PTPDC1: variants seen among roughly 807,000 people sequenced by gnomAD.
The protein encoded by PTPDC1 is protein tyrosine phosphatase domain-containing protein 1.
A neutral mutation model predicts 75.3 loss-of-function variants in PTPDC1; 53 were observed. The observed-to-expected ratio is 0.70, with a 90% CI of 0.56 to 0.88. PTPDC1 has a LOEUF of 0.88. Among genes scored for constraint, PTPDC1 ranks in the 40% least tolerant of loss-of-function variants. The pLI is 0.00. For missense variants in PTPDC1, 925 were observed against 998.6 expected, an observed-to-expected ratio of 0.93 and a Z score of 0.99; for synonymous variants, 349 against 366.2, an observed-to-expected ratio of 0.95 and a Z score of 0.54.
chr9:94,044,755 T>G (rs966011542), intron 1 of PTPDC1, among the ~76,000 whole-genome samples: 3 of 151,092 alleles, frequency 2.0e-5, no homozygotes, highest in Non-Finnish European at 4.4e-5. Context: ...TACACTTAGC[T>G]AGGACTTTTA....
chr9:94,079,275 C>T (rs553244941), intron 2 of PTPDC1, among the ~76,000 whole-genome samples: 10 of 151,120 alleles, frequency 6.6e-5, no homozygotes, highest in Non-Finnish European at 1.5e-4. Context: ...AACGCAGTCA[C>T]CCTGAGAAGA....
chr9:94,100,416 T>A (rs1041835111), intron 6 of PTPDC1: 14 of 152,246 alleles, frequency 9.2e-5, no homozygotes, highest in African/African-American at 3.4e-4. Context: ...GTTTTATACA[T>A]GATCTATGGG....
chr9:94,033,575 A>G (rs984531038), intron 1 of PTPDC1, among the ~76,000 whole-genome samples: 3 of 152,116 alleles, frequency 2.0e-5, no homozygotes, highest in Non-Finnish European at 1.5e-5. Context: ...CACTTTCCTA[A>G]TCTTTAAAAT....
chr9:94,107,829 T>G lies in PTPDC1; in HGVS notation c.2312T>G (p.Val771Gly), dbSNP rs1564042828. 1 of 1,571,544 alleles carries G rather than the reference T, an allele frequency of 6.4e-7. No individual in the cohort carries two copies. Among genetic ancestry groups the G allele is most frequent in the Non-Finnish European group, 8.7e-7 (1 of 1,151,784 alleles). Reference protein sequence around the residue: ...LAHAIKAFTKVNFDSENGPTV... With the variant: ...LAHAIKAFTKGNFDSENGPTV... ...GAATATAAATTTCTTTGTCACCAGGTTAATTTTGATTCTGAAAATGGACCA... is the reference window on the plus strand; with the variant it reads ...GAATATAAATTTCTTTGTCACCAGGGTAATTTTGATTCTGAAAATGGACCA... The change falls in exon 9 of 9, where the codon GTT becomes GGT. Residue 771 changes from valine to glycine, a missense_variant and splice_region_variant. Val to Gly is a moderately radical substitution (Grantham distance 109). Transcript: ENST00000620992.
At chr9:94,076,246 C>T (rs1826683328) in intron 2 of PTPDC1, among the ~76,000 whole-genome samples, 1 of 152,146 alleles carries the variant, frequency 6.6e-6, no homozygotes, top group Non-Finnish European at 1.5e-5. Context: ...TCAGGTAATC[C>T]ACCTGCCTCA....
At chr9:94,080,994 C>CTT (rs61391032), upstream of PTPDC1, among the ~76,000 whole-genome samples, 9 of 117,900 alleles carry the variant, frequency 7.6e-5, no homozygotes, top group African/African-American at 1.5e-4. Flanking sequence ...TTTTCTTTTT[C>CTT]TTTTTTTTTT....
At chr9:94,095,730 A>G (rs1459059483) in intron 5 of PTPDC1, among the ~76,000 whole-genome samples, 1 of 152,222 alleles carries the variant, frequency 6.6e-6, no homozygotes, top group Non-Finnish European at 1.5e-5. Context: ...CACTGATCTG[A>G]TCACTATACA....
In PTPDC1 at chr9:94,097,639, C is replaced by T. The variant is rs1257814960; in HGVS notation, c.1073C>T (p.Pro358Leu). Residue 358 changes from proline to leucine, a missense_variant, in exon 6 of 9, where the codon CCA (proline) becomes CTA (leucine). Transcript: ENST00000620992. ...KLLLDLAENRPVMMKDVSEGP... is the reference protein window; with the variant it reads ...KLLLDLAENRLVMMKDVSEGP... ...CTGCTGGACTTAGCGGAGAACAGGC[C>T]AGTGATGATGAAGGATGTGTCCGAA... 6.2e-7 allele frequency: 1 copy of T among 1,613,940 alleles called. No homozygotes were observed. Among genetic ancestry groups the T allele is most frequent in the Non-Finnish European group, 8.5e-7 (1 of 1,180,038 alleles).
chr9:94,077,167 G>A (rs191395796), intron 2 of PTPDC1, among the ~76,000 whole-genome samples: 9 of 152,278 alleles, frequency 5.9e-5, no homozygotes, highest in East Asian at 5.8e-4. Context: ...CTACCAATTA[G>A]CACTTGAGAA....
In PTPDC1 at chr9:94,101,698, A is replaced by G. The variant is rs201157952; in HGVS notation, c.2146A>G (p.Met716Val). The G allele has an allele frequency of 1.9e-6, 3 of 1,612,730 alleles. No homozygotes were observed. The highest frequency in any genetic ancestry group is 2.2e-5 in the East Asian group (1 of 44,818). The stretch of plus-strand genomic sequence containing the variant: ...TGTAATCACCAAAGAGGATGTGGAC[A>G]TGTTGGTTGACAGGCGAGCAGATGC... ...EPVITKEDVD[M>V]LVDRRADAAE... is the part of the protein sequence containing the mutation. The change falls in exon 7 of 9, where the codon ATG (methionine) becomes GTG (valine). Residue 716 changes from methionine (M) to valine (V), a missense_variant. By Grantham distance (21) the Met-to-Val change is conservative (BLOSUM62 1). Transcript: ENST00000620992.
intron 2 of PTPDC1, among the ~76,000 whole-genome samples, chr9:94,075,478 A>G (rs1302778111): frequency 1.3e-5 from 2 of 152,220 alleles, no homozygotes; most frequent in Non-Finnish European, 2.9e-5. Context: ...AAATATATTC[A>G]GTCGTTAGGT....
chr9:94,036,318 G>A (rs987897708), intron 1 of PTPDC1, among the ~76,000 whole-genome samples: 4 of 152,022 alleles, frequency 2.6e-5, no homozygotes, highest in African/African-American at 9.7e-5. Context: ...AGCTTTAGGT[G>A]TTAGATTTAA....
chr9:94,064,760 T>C (rs1461341823), exon 2 of PTPDC1: 3 of 1,613,686 alleles, frequency 1.9e-6, no homozygotes, highest in Non-Finnish European at 2.5e-6. Context: ...GAGTCTTGCC[T>C]CAGAATGAAC....
intron 2 of PTPDC1, among the ~76,000 whole-genome samples, chr9:94,068,205 G>A (rs1373708665): frequency 9.2e-5 from 14 of 151,926 alleles, no homozygotes. Flanking sequence ...TACAGTAAAG[G>A]TACAAGAAAA....
intron 2 of PTPDC1, among the ~76,000 whole-genome samples, chr9:94,069,768 A>G (rs1250239389): frequency 1.4e-4 from 20 of 145,628 alleles, no homozygotes; most frequent in Admixed American, 1.1e-3. Context: ...GCCTGCTTCA[A>G]CCTCCCAAAG....
At chr9:94,061,905 T>G (rs768803702) in intron 1 of PTPDC1, among the ~76,000 whole-genome samples, 9 of 152,356 alleles carry the variant, frequency 5.9e-5, no homozygotes, top group East Asian at 3.9e-4. Context: ...GCACTTGCCT[T>G]CCTTTTCGTT....
upstream of PTPDC1, chr9:94,084,431 A>C (rs944739372): frequency 2.6e-4 from 392 of 1,519,588 alleles, no homozygotes; most frequent in Non-Finnish European, 3.2e-4. Flanking sequence ...TGGCTCTTAG[A>C]TCATACAGAA....
rs552190806 is a variant in PTPDC1, at chr9:94,070,308, A to G, written c.82+5487A>G. On this transcript the variant is annotated intron_variant, in intron 2 of 9. Transcript: ENST00000375360. The stretch of plus-strand genomic sequence containing the variant: ...CCCAACTCGGCTGTATTTTCCACAC[A>G]GGGCCCGTACCCTGCCAGGCCCCAC... Among the ~76,000 whole-genome samples, 17 of 152,212 alleles carry G rather than the reference A, an allele frequency of 1.1e-4. No individual in the cohort carries two copies. The South Asian group carries it at 3.1e-3, about 28-fold the overall frequency.
At chr9:94,031,293 A>G (rs1829721349) in intron 1 of PTPDC1, among the ~76,000 whole-genome samples, 1 of 152,116 alleles carries the variant, frequency 6.6e-6, no homozygotes, top group Non-Finnish European at 1.5e-5. Context: ...TCACATTCAG[A>G]TGTCTGCAGG....
Sources: gnomAD v4.1 joint callset for allele counts (sites outside exome capture counted in the v4.1 genomes callset) on GRCh38, gnomAD v4.1.1 for gene constraint, MANE v1.5 for transcripts, NCBI Gene and HGNC (gene_info 2026-07-23, HGNC 2026-07-21) for gene names.